The following MAP1LC3B variants were observed in gnomAD, a reference collection of about 807,000 sequenced individuals.
The protein encoded by MAP1LC3B is microtubule associated protein 1 light chain 3 beta.
A neutral mutation model predicts 16.7 loss-of-function variants in MAP1LC3B; 12 were observed. The observed-to-expected ratio is 0.72, with a 90% CI of 0.46 to 1.16. The LOEUF (loss-of-function observed/expected upper bound fraction) is 1.16. Among genes scored for constraint, MAP1LC3B ranks in the 50% most tolerant of loss-of-function variants. MAP1LC3B has a pLI of 0.00. For missense variants in MAP1LC3B, 155 were observed against 159.5 expected (o/e 0.97, Z 0.15); for synonymous variants, 63 against 56.5 (o/e 1.11, Z -0.51).
At chr16:87,399,690 T>C (rs1156798759) in intron 2 of MAP1LC3B, 1 of 422,924 alleles carries the variant, frequency 2.4e-6, no homozygotes, top group East Asian at 7.2e-5. Flanking sequence ...TGGTCAGGTA[T>C]TATAACAGCT....
chr16:87,403,325 T>C lies in MAP1LC3B; in HGVS notation c.*228T>C, dbSNP rs1908063930. The C allele has an allele frequency of 2.6e-6, 1 of 379,790 alleles. No homozygotes were observed. Among genetic ancestry groups the C allele is most frequent in the African/African-American group, 2.1e-5 (1 of 47,910 alleles). The allele number at this position is 379,790 out of a possible 1,614,324, so 23.5% of individuals were successfully genotyped here. A position where few individuals can be genotyped will look rare whatever the true frequency, so the allele number is the denominator to read the frequency against. On this transcript the variant is annotated 3_prime_UTR_variant, in exon 4 of 4. Transcript: ENST00000268607. The stretch of plus-strand genomic sequence containing the variant: ...ATATTATTTAATGTAGGCTAGCTTG[T>C]TTTCAAATTTTAAAAGTTTAAAAAT...
chr16:87,402,781 C>T, intron 3 of MAP1LC3B, 142 bp from the exon 4 acceptor site: 1 of 978,476 alleles, frequency 1.0e-6, no homozygotes, highest in East Asian at 2.6e-5. Context: ...AGGAAGTGTC[C>T]TGTGCTTTAT....
At chr16:87,402,893 A>G (rs377730757) in intron 3 of MAP1LC3B, 30 bp from the exon 4 acceptor site, 23 of 1,613,164 alleles carry the variant, frequency 1.4e-5, no homozygotes, top group Middle Eastern at 1.7e-4. Flanking sequence ...ATTGTTGTCA[A>G]TATTTCTTCA....
chr16:87,400,388 C>T (rs1412003985), intron 2 of MAP1LC3B: 1 of 151,786 alleles, frequency 6.6e-6, no homozygotes. Context: ...ACCATGTTAG[C>T]CAGGATGGTC....
At chr16:87,394,766 G>T (rs1309682228) in intron 1 of MAP1LC3B, among the ~76,000 whole-genome samples, 9 of 152,152 alleles carry the variant, frequency 5.9e-5, no homozygotes, top group Admixed American at 5.9e-4. Flanking sequence ...TGGAAATATT[G>T]AATGAACTTC....
rs536244164 is a variant in MAP1LC3B at position 87,397,898 on chromosome 16, TCTCTC to T, written c.41-916_41-912del. On this transcript the variant is annotated intron_variant, in intron 1 of 3. Transcript: ENST00000268607. ...CACACATATTGCTTTGTAAATGACT[TCTCTC>T]TAACTGTATTTTTGGGTTTCTGGGA... 2.3e-3 allele frequency among the ~76,000 whole-genome samples: 344 copies of T among 152,264 alleles called. 1 individual carries two copies. Among genetic ancestry groups the T allele is most frequent in the African/African-American group, 7.9e-3 (328 of 41,548 alleles).
chr16:87,397,725 A>C (rs1022719760), intron 1 of MAP1LC3B, among the ~76,000 whole-genome samples: 1 of 152,216 alleles, frequency 6.6e-6, no homozygotes, highest in African/African-American at 2.4e-5. Flanking sequence ...TGTCTCAGGA[A>C]GTTCGTGACA....
At chr16:87,399,842 C>T (rs563816996) in intron 2 of MAP1LC3B, among the ~76,000 whole-genome samples, 14 of 152,186 alleles carry the variant, frequency 9.2e-5, no homozygotes, top group South Asian at 2.1e-4. Context: ...GGCGCGATCT[C>T]GGCTCACTGC....
intron 2 of MAP1LC3B, chr16:87,399,733 A>G (rs571776193): frequency 2.7e-6 from 1 of 373,758 alleles, no homozygotes; most frequent in South Asian, 2.0e-5. Context: ...ATTTTGCTCC[A>G]TGGAAAGGAA....
At chr16:87,398,025 A>ATT (rs766029599) in intron 1 of MAP1LC3B, among the ~76,000 whole-genome samples, 21 of 143,828 alleles carry the variant, frequency 1.5e-4, no homozygotes, top group African/African-American at 4.1e-4. Flanking sequence ...GGAGAAAAGA[A>ATT]TTTTTTTTTT....
At chr16:87,393,580 C>T (rs1907686956) in intron 1 of MAP1LC3B, among the ~76,000 whole-genome samples, 1 of 152,262 alleles carries the variant, frequency 6.6e-6, no homozygotes, top group Admixed American at 6.5e-5. Context: ...CCTTAGCTTG[C>T]CAAGCATATC....
At chr16:87,402,376 C>T in intron 3 of MAP1LC3B, 95 bp downstream of exon 3, 27 of 1,172,914 alleles carry the variant, frequency 2.3e-5, no homozygotes, top group Non-Finnish European at 3.1e-5. Context: ...TGGTTAAAAT[C>T]TTTAAAAAAT....
rs1462660572 is a variant in MAP1LC3B at position 87,392,405 on chromosome 16, G to T, written c.-23G>T. The T allele has an allele frequency of 1.4e-6, 2 of 1,422,262 alleles. No homozygotes were observed. The highest frequency in any genetic ancestry group is 1.8e-6 in the Non-Finnish European group (2 of 1,096,478). The allele number at this position is 1,422,262 out of a possible 1,614,324, so 88.1% of individuals were successfully genotyped here. A position where few individuals can be genotyped will look rare whatever the true frequency, so the allele number is the denominator to read the frequency against. On this transcript the variant is annotated 5_prime_UTR_variant, in exon 1 of 4. Transcript: ENST00000268607. ...CCGGGACCCTCGCGTCGTCGCCGCC[G>T]CCGCCGCCCAGATCCCTGCACCATG... is the stretch of plus-strand genomic sequence containing the variant.
At position 87,404,107 on chromosome 16, in the gene MAP1LC3B, G is replaced by C. The variant is rs1172426640; in HGVS notation, c.*1010G>C. ...TTTGAATAGTAGTTATCACTCTTAG[G>C]TCAGACAGCCATCAGAATTCTCCCA... On this transcript the variant is annotated 3_prime_UTR_variant, in exon 4 of 4. Coordinates refer to ENST00000268607, the MANE Select transcript of MAP1LC3B (RefSeq NM_022818.5). The C allele has an allele frequency of 1.3e-5, 2 of 152,050 alleles. No homozygotes were observed. The highest frequency in any genetic ancestry group is 2.4e-5 in the African/African-American group (1 of 41,376). 9.4% of individuals were successfully genotyped at this position (152,050 alleles called of 1,614,324 possible).
At chr16:87,392,554 C>T (rs1389565308) in intron 1 of MAP1LC3B, 87 bp downstream of exon 1, 48 of 1,157,424 alleles carry the variant, frequency 4.1e-5, no homozygotes, top group Admixed American at 9.1e-5. Flanking sequence ...CGTGAGGGGT[C>T]GGGGCCGAGC....
At chr16:87,398,347 G>T (rs1907876317) in intron 1 of MAP1LC3B, among the ~76,000 whole-genome samples, 1 of 152,120 alleles carries the variant, frequency 6.6e-6, no homozygotes, top group African/African-American at 2.4e-5. Flanking sequence ...TTTCTCTTAG[G>T]CACCATATCA....
At chr16:87,392,551 G>C in intron 1 of MAP1LC3B, 84 bp downstream of exon 1, 1 of 1,169,390 alleles carries the variant, frequency 8.6e-7, no homozygotes, top group Non-Finnish European at 1.1e-6. Context: ...CGCCGTGAGG[G>C]GTCGGGGCCG....
At chr16:87,396,131 G>A (rs545310564) in intron 1 of MAP1LC3B, among the ~76,000 whole-genome samples, 1 of 151,562 alleles carries the variant, frequency 6.6e-6, no homozygotes, top group Non-Finnish European at 1.5e-5. Context: ...AAAGTGCTGG[G>A]TTTACGAGCG....
intron 1 of MAP1LC3B, among the ~76,000 whole-genome samples, chr16:87,395,590 G>C (rs1289805697): frequency 2.0e-5 from 3 of 152,222 alleles, no homozygotes; most frequent in Admixed American, 2.0e-4. Flanking sequence ...TGTGTACCGT[G>C]TACAGCCAGT....
Sources: allele counts gnomAD v4.1 joint callset (sites outside exome capture counted in the v4.1 genomes callset), GRCh38; gene constraint gnomAD v4.1.1; transcripts MANE v1.5; gene names NCBI Gene and HGNC (gene_info 2026-07-23, HGNC 2026-07-21).